GALM: variants seen among roughly 807,000 people sequenced by gnomAD.
The protein encoded by GALM is aldose 1-epimerase.
In GALM, 43 loss-of-function variants were observed where a neutral mutation model predicts 37.4. That is an observed-to-expected ratio of 1.15 (90% CI 0.90 to 1.48). GALM has a LOEUF of 1.48. Ranked by LOEUF, GALM falls within the 40% of genes most tolerant of loss-of-function variation. GALM has a pLI of 0.00. For synonymous variants in GALM, 199 were observed against 170.6 expected (o/e 1.17, Z -1.30); for missense variants, 456 against 419.1 (o/e 1.09, Z -0.77).
At chr2:38,683,070 T>C (rs909702088) in intron 3 of GALM, among the ~76,000 whole-genome samples, 1 of 152,194 alleles carries the variant, frequency 6.6e-6, no homozygotes, top group Non-Finnish European at 1.5e-5. Context: ...TTTTACATTT[T>C]TTGCATACTT....
intron 4 of GALM, among the ~76,000 whole-genome samples, chr2:38,721,000 G>T (rs1460595861): frequency 6.6e-6 from 1 of 152,184 alleles, no homozygotes; most frequent in Non-Finnish European, 1.5e-5. Context: ...CAGACTCCAC[G>T]GCTCAGTGAA....
chr2:38,731,823 A>C lies in GALM; in HGVS notation c.865A>C (p.Thr289Pro), dbSNP rs1366167295. The C allele has an allele frequency of 1.2e-6, 2 of 1,614,076 alleles. No individual in the cohort carries two copies. The highest frequency in any genetic ancestry group is 3.3e-5 in the Admixed American group (2 of 60,000). ...TTACACGGGCAACTTCCTGGATGGC[A>C]CATTAAAGGGCAAGAATGGAGCTGT... ...QFYTGNFLDGTLKGKNGAVYP... is the reference protein window; with the variant it reads ...QFYTGNFLDGPLKGKNGAVYP... The change falls in exon 6 of 7, where the codon ACA (threonine) becomes CCA (proline). Residue 289 changes from threonine (T) to proline (P), a missense_variant. Physicochemically the swap from Thr to Pro is conservative, Grantham distance 38 (BLOSUM62 -1). Transcript: ENST00000272252.
intron 2 of GALM, among the ~76,000 whole-genome samples, chr2:38,677,952 T>C (rs764833714): frequency 5.9e-5 from 9 of 151,452 alleles, no homozygotes; most frequent in Non-Finnish European, 1.3e-4. Context: ...TTTCATTCAA[T>C]ACATGGATAT....
chr2:38,680,423 A>C (rs945247104), intron 2 of GALM, among the ~76,000 whole-genome samples: 1 of 152,190 alleles, frequency 6.6e-6, no homozygotes, highest in African/African-American at 2.4e-5. Flanking sequence ...TAATTTCTTC[A>C]ACCCCTTTAT....
chr2:38,680,863 C>T (rs77031575), intron 2 of GALM, among the ~76,000 whole-genome samples: 2,764 of 152,184 alleles, frequency 0.018, 56 homozygotes, highest in Admixed American at 0.038. Flanking sequence ...GGACCAGGTG[C>T]GGTGGCTCAT....
intron 4 of GALM, among the ~76,000 whole-genome samples, chr2:38,693,477 T>C (rs1665727329): frequency 7.8e-6 from 1 of 128,162 alleles, no homozygotes; most frequent in Admixed American, 7.9e-5. Flanking sequence ...AGCGAGACTC[T>C]GCTTCCAAAA....
intron 4 of GALM, among the ~76,000 whole-genome samples, chr2:38,693,483 C>CA (rs11339764): frequency 2.2e-3 from 224 of 101,166 alleles, no homozygotes; most frequent in East Asian, 3.7e-3. Context: ...ACTCTGCTTC[C>CA]AAAAAAAAAA....
At chr2:38,731,936 G>C in intron 6 of GALM, 27 bp downstream of exon 6, 1 of 1,596,412 alleles carries the variant, frequency 6.3e-7, no homozygotes, top group African/African-American at 1.3e-5. Flanking sequence ...GCTTTTCAGA[G>C]TAGAGTTGTG....
chr2:38,686,276 CT>C (rs1294189123), intron 3 of GALM, among the ~76,000 whole-genome samples: 3 of 99,034 alleles, frequency 3.0e-5, no homozygotes, highest in African/African-American at 1.3e-4. Flanking sequence ...TTCTTTCTTT[CT>C]TATTTTGAGA....
At chr2:38,675,543 T>TTGTTTTTTGTGTG (rs1665235280) in intron 1 of GALM, among the ~76,000 whole-genome samples, 2 of 33,638 alleles carry the variant, frequency 5.9e-5, no homozygotes, top group African/African-American at 2.1e-4. Context: ...TTTTTTTTTT[T>TTGTTTTTTGTGTG]TGTGTGTGTG....
intron 3 of GALM, among the ~76,000 whole-genome samples, chr2:38,689,012 GCTT>G (rs1024418543): frequency 1.1e-4 from 16 of 152,148 alleles, no homozygotes; most frequent in African/African-American, 3.9e-4. Flanking sequence ...TAGAGACGGG[GCTT>G]CTTCTTTTTG....
chr2:38,680,629 A>T (rs1249254129), intron 2 of GALM, among the ~76,000 whole-genome samples: 13 of 152,100 alleles, frequency 8.5e-5, no homozygotes, highest in Admixed American at 8.5e-4. Context: ...CCCCTAGGAG[A>T]CAGGGGCTGA....
intron 4 of GALM, among the ~76,000 whole-genome samples, chr2:38,724,844 T>C (rs890547914): frequency 3.3e-5 from 5 of 152,358 alleles, no homozygotes; most frequent in Admixed American, 1.3e-4. Context: ...TTCCATGTAA[T>C]GTGGCAGCTA....
intron 4 of GALM, among the ~76,000 whole-genome samples, chr2:38,692,001 T>C (rs1327608395): frequency 6.6e-6 from 1 of 152,188 alleles, no homozygotes; most frequent in Non-Finnish European, 1.5e-5. Context: ...TAGTAATTGA[T>C]CTGTAAGGCC....
At chr2:38,709,237 A>G (rs1666103633) in intron 4 of GALM, among the ~76,000 whole-genome samples, 1 of 152,182 alleles carries the variant, frequency 6.6e-6, no homozygotes, top group African/African-American at 2.4e-5. Flanking sequence ...GAGCAGGTCT[A>G]GCAGGAATGC....
chr2:38,693,062 C>G (rs1001318358), intron 4 of GALM, among the ~76,000 whole-genome samples: 2 of 152,146 alleles, frequency 1.3e-5, no homozygotes, highest in African/African-American at 4.8e-5. Context: ...CCCAGGCTGG[C>G]CTGGAGCTCA....
intron 4 of GALM, among the ~76,000 whole-genome samples, chr2:38,718,705 G>A (rs962072528): frequency 2.0e-5 from 3 of 151,742 alleles, no homozygotes; most frequent in African/African-American, 7.3e-5. Context: ...CTGTCTACTG[G>A]GTTGTGTGAA....
intron 1 of GALM, among the ~76,000 whole-genome samples, chr2:38,666,857 C>G (rs957557788): frequency 2.0e-5 from 3 of 152,078 alleles, no homozygotes; most frequent in African/African-American, 7.2e-5. Context: ...CCTAGTACAC[C>G]AGCTACCCAA....
At chr2:38,690,199 C>T (rs746236421) in intron 4 of GALM, among the ~76,000 whole-genome samples, 18 of 151,984 alleles carry the variant, frequency 1.2e-4, no homozygotes, top group Admixed American at 2.0e-4. Context: ...GGGCTGGGCG[C>T]GGTGGCTCAC....
Sources: allele counts gnomAD v4.1 joint callset (sites outside exome capture counted in the v4.1 genomes callset), GRCh38; gene constraint gnomAD v4.1.1; transcripts MANE v1.5; gene names NCBI Gene and HGNC (gene_info 2026-07-23, HGNC 2026-07-21).